FAM53A: variants seen among roughly 807,000 people sequenced by gnomAD.
FAM53A encodes the protein protein FAM53A.
FAM53A carries 28 observed loss-of-function variants against 26.6 expected under a neutral mutation model. The ratio of observed to expected loss-of-function variants is 1.05; its 90% CI spans 0.78 to 1.45. The LOEUF is 1.45. Ranked by LOEUF, FAM53A falls within the 40% of genes most tolerant of loss-of-function variation. The probability of loss-of-function intolerance (pLI) is 0.00; values close to 1 mark genes in which losing one functional copy is unlikely to be tolerated. For synonymous variants in FAM53A, 290 were observed against 253.1 expected, an observed-to-expected ratio of 1.15 and a Z score of -1.38; for missense variants, 650 against 575.8, an observed-to-expected ratio of 1.13 and a Z score of -1.32.
chr4:1,664,798 T>C (rs1342918663), intron 2 of FAM53A, among the ~76,000 whole-genome samples: 1 of 151,828 alleles, frequency 6.6e-6, no homozygotes, highest in Non-Finnish European at 1.5e-5. Flanking sequence ...ACCAACATGG[T>C]GAAACCCTGT....
At chr4:1,578,896 G>GGGGAGGGGAGAGAAGAGC in the FAM53A span, among the ~76,000 whole-genome samples, 2 of 78,680 alleles carry the variant, frequency 2.5e-5, 1 homozygote, top group South Asian at 1.3e-3. Context: ...GAGAGAAGAG[G>GGGGAGGGGAGAGAAGAGC]GGGAGGGGAG....
At chr4:1,677,883 C>T (rs769697232) in intron 1 of FAM53A, among the ~76,000 whole-genome samples, 4 of 152,188 alleles carry the variant, frequency 2.6e-5, no homozygotes, top group South Asian at 2.1e-4. Context: ...AGGCAGAGGT[C>T]GCAATGAGCT....
intron 4 of FAM53A, among the ~76,000 whole-genome samples, chr4:1,649,763 G>A (rs1712580211): frequency 6.6e-6 from 1 of 152,264 alleles, no homozygotes; most frequent in South Asian, 2.1e-4. Context: ...GAGCTCCAAG[G>A]AGGCCTGAGC....
intron 1 of FAM53A, among the ~76,000 whole-genome samples, chr4:1,629,099 A>G (rs968593269): frequency 6.6e-6 from 1 of 151,954 alleles, no homozygotes; most frequent in Non-Finnish European, 1.5e-5. Flanking sequence ...CAGCACCTCG[A>G]TCCCCTCCAG....
At chr4:1,677,739 C>A (rs1206626337) in intron 1 of FAM53A, among the ~76,000 whole-genome samples, 1 of 152,064 alleles carries the variant, frequency 6.6e-6, no homozygotes, top group Non-Finnish European at 1.5e-5. Context: ...AGAGAACTCA[C>A]CCTGAGACCA....
Position 1,680,797 on chromosome 4 carries a change from CA to C in FAM53A, c.-165+3435del, listed in dbSNP as rs147010948. ...TGTGGAGACTATTTAAAAAAACAAA[CA>C]AAAAAAAAACCGTGGCTGCCAGGGG... On this transcript the variant is annotated intron_variant, in intron 1 of 4. Coordinates refer to ENST00000308132, the MANE Select transcript of FAM53A (RefSeq NM_001174070.3). 6.6e-3 allele frequency among the ~76,000 whole-genome samples: 972 copies of C among 147,854 alleles called. 12 individuals carry two copies. The highest frequency in any genetic ancestry group is 0.022 in the African/African-American group (906 of 40,482).
downstream of FAM53A, among the ~76,000 whole-genome samples, chr4:1,636,818 C>T (rs1482259551): frequency 6.6e-6 from 1 of 152,164 alleles, no homozygotes; most frequent in East Asian, 1.9e-4. Context: ...CCAGGGTCCT[C>T]AAGGGAGACC....
At position 1,646,131 on chromosome 4, in the gene FAM53A, T is replaced by C. The variant is rs1239285497; in HGVS notation, c.883-4524A>G. Among the ~76,000 whole-genome samples, 3 of 152,070 alleles carry C rather than the reference T, an allele frequency of 2.0e-5. No homozygotes were observed. In the East Asian group the frequency reaches 5.8e-4, roughly 29 times the overall value. ...TTTTTTTTTTTTTGAGACGGAGTCT[T>C]GCTCTGTCGCCCAGGTTGGAGTGCA... On this transcript the variant is annotated intron_variant, in intron 4 of 4. Coordinates refer to ENST00000308132, the MANE Select transcript of FAM53A (RefSeq NM_001174070.3).
At chr4:1,668,287 C>G (rs1404812282) in intron 2 of FAM53A, among the ~76,000 whole-genome samples, 1 of 152,084 alleles carries the variant, frequency 6.6e-6, no homozygotes, top group African/African-American at 2.4e-5. Context: ...CTACAGGCGC[C>G]TGCTACCGTG....
intron 4 of FAM53A, chr4:1,644,305 C>T (rs914265913): frequency 1.2e-5 from 19 of 1,535,862 alleles, no homozygotes; most frequent in African/African-American, 4.1e-5. Context: ...GCCGAGGCCT[C>T]GGACGCGGGA....
intron 4 of FAM53A, among the ~76,000 whole-genome samples, chr4:1,648,887 C>A (rs979912946): frequency 1.3e-5 from 2 of 152,110 alleles, no homozygotes; most frequent in Admixed American, 6.6e-5. Context: ...CCAAGGCAGG[C>A]GGATTACCTG....
intron 4 of FAM53A, among the ~76,000 whole-genome samples, chr4:1,650,721 C>G (rs888334975): frequency 6.7e-6 from 1 of 150,206 alleles, no homozygotes; most frequent in East Asian, 2.0e-4. Flanking sequence ...GTCTCGAACT[C>G]CTGACCTCAA....
the FAM53A span, among the ~76,000 whole-genome samples, chr4:1,575,522 G>A: frequency 1.3e-5 from 2 of 152,262 alleles, no homozygotes; most frequent in South Asian, 2.1e-4. Context: ...TGGCCTGGGA[G>A]GGGGGCTGTC....
At chr4:1,612,825 G>A in the FAM53A span, among the ~76,000 whole-genome samples, 1,807 of 152,252 alleles carry the variant, frequency 0.012, 31 homozygotes, top group African/African-American at 0.041. Context: ...GCATGCTCTC[G>A]GGCACGTGAT....
At chr4:1,595,454 G>GC in the FAM53A span, among the ~76,000 whole-genome samples, 1 of 152,340 alleles carries the variant, frequency 6.6e-6, no homozygotes, top group Non-Finnish European at 1.5e-5. Context: ...CAGCAGGGCT[G>GC]CCCCACCCCT....
chr4:1,595,519 G>A, the FAM53A span, among the ~76,000 whole-genome samples: 4 of 152,336 alleles, frequency 2.6e-5, no homozygotes, highest in Non-Finnish European at 5.9e-5. Context: ...GGCTGGTGGG[G>A]TGGGGCTGGG....
At chr4:1,658,769 T>A (rs1577131076) in intron 2 of FAM53A, among the ~76,000 whole-genome samples, 1 of 152,338 alleles carries the variant, frequency 6.6e-6, no homozygotes, top group East Asian at 1.9e-4. Context: ...CACAGGGCCC[T>A]GCAGAGGATG....
downstream of FAM53A, among the ~76,000 whole-genome samples, chr4:1,614,378 GATGCAGAGACGTGAGGGGC>G (rs1560099312): frequency 4.5e-4 from 65 of 143,244 alleles, no homozygotes; most frequent in African/African-American, 1.4e-3. Context: ...ACGTGAGGGG[GATGCAGAGACGTGAGGGGC>G]ATGCAGAGAC....
At chr4:1,648,684 G>A (rs955897293) in intron 4 of FAM53A, among the ~76,000 whole-genome samples, 6 of 152,188 alleles carry the variant, frequency 3.9e-5, no homozygotes, top group African/African-American at 1.4e-4. Flanking sequence ...ACTTCAGGGC[G>A]GGCAGGTATT....
Sources: allele counts gnomAD v4.1 joint callset (sites outside exome capture counted in the v4.1 genomes callset), GRCh38; gene constraint gnomAD v4.1.1; transcripts MANE v1.5; gene names NCBI Gene and HGNC (gene_info 2026-07-23, HGNC 2026-07-21).